Variants in PLB1 observed in about 807,000 individuals in gnomAD.
PLB1 encodes phospholipase B1, membrane-associated.
In PLB1, 242 loss-of-function variants were observed where a neutral mutation model predicts 227.4. The ratio of observed to expected loss-of-function variants is 1.06; its 90% CI spans 0.96 to 1.18. PLB1 has a LOEUF of 1.18. Ranked by LOEUF, PLB1 falls within the 50% of genes most tolerant of loss-of-function variation. PLB1 has a pLI of 0.00. For missense variants in PLB1, 1,858 were observed against 1,816.3 expected, an observed-to-expected ratio of 1.02 and a Z score of -0.42; for synonymous variants, 757 against 682.2, an observed-to-expected ratio of 1.11 and a Z score of -1.71.
In PLB1 at chr2:28,629,160, G is replaced by A. The variant is rs771191733; in HGVS notation, c.3793G>A (p.Gly1265Arg). The part of the protein sequence containing the change: ...ELASLYQGQG[G>R]KCAMLAAQNN... ...GGCTAGCCTGTACCAGGGCCAAGGC[G>A]GGAAATGTGCCATGCTGGCAGCTCA... The change falls in exon 53 of 58, where the codon GGG (glycine) becomes AGG (arginine). Residue 1265 changes from glycine (G) to arginine (R), a missense_variant. Transcript: ENST00000327757. 79 of 1,613,666 alleles carry A rather than the reference G, an allele frequency of 4.9e-5. No homozygotes were observed. Among genetic ancestry groups the A allele is most frequent in the Admixed American group, 4.3e-4 (26 of 59,978 alleles).
Position 28,620,898 on chromosome 2 carries a change from C to T in PLB1, c.3447C>T (p.Asn1149=). 6.2e-7 allele frequency: 1 copy of T among 1,613,926 alleles called. No homozygotes were observed. The highest frequency in any genetic ancestry group is 8.5e-7 in the Non-Finnish European group (1 of 1,179,892). ...CTAAAGACATTCTGAAGAAGTTCAA[C>T]CCTTACCTCCTTGGCTTCTCTACCA... The part of the protein sequence containing the change: ...TTLPNILKKF[N]PYLLGFSTST... The change falls in exon 49 of 58, where the codon AAC becomes AAT. Residue 1149 remains asparagine (N), a synonymous_variant. Transcript: ENST00000327757.
rs1241395047 is a variant in PLB1 at position 28,601,281 on chromosome 2, C to T, written c.2556C>T (p.Val852=). The part of the protein sequence containing the change: ...HRVNFHEDWK[V]ITVLIGGSDL... The stretch of plus-strand genomic sequence containing the variant: ...TAAATTTCCATGAAGACTGGAAGGT[C>T]ATCACAGTGCTGATCGGAGGCAGCG... Residue 852 remains valine (V), a synonymous_variant, in exon 37 of 58, where the codon GTC becomes GTT. Coordinates refer to ENST00000327757, the MANE Select transcript of PLB1 (RefSeq NM_153021.5). 6 of 1,613,930 alleles carry T rather than the reference C, an allele frequency of 3.7e-6. No homozygotes were observed. The highest frequency in any genetic ancestry group is 4.2e-6 in the Non-Finnish European group (5 of 1,179,944).
At chr2:28,634,573 ACATGAAAAAGAGT>A (rs1689077094) in intron 56 of PLB1, among the ~76,000 whole-genome samples, 1 of 152,188 alleles carries the variant, frequency 6.6e-6, no homozygotes, top group African/African-American at 2.4e-5. Context: ...GACGGCTGGA[ACATGAAAAAGAGT>A]CCATTGGTTT....
At chr2:28,593,823 G>A in intron 33 of PLB1, 69 bp downstream of exon 33, 2 of 1,342,114 alleles carry the variant, frequency 1.5e-6, no homozygotes, top group Middle Eastern at 1.8e-4. Flanking sequence ...TTTGTCTCCT[G>A]TAAATATGTA....
intron 55 of PLB1, 93 bp downstream of exon 55, chr2:28,632,233 T>TTTAACCA: frequency 9.6e-7 from 1 of 1,043,418 alleles, no homozygotes; most frequent in Non-Finnish European, 1.4e-6. Flanking sequence ...TTTTTTTTTT[T>TTTAACCA]TAACCATCTC....
intron 20 of PLB1, 102 bp downstream of exon 20, chr2:28,566,941 C>T: frequency 2.2e-6 from 3 of 1,357,592 alleles, no homozygotes; most frequent in South Asian, 1.2e-5. Context: ...GCCCCGGCTG[C>T]AGGAGCCCGC....
chr2:28,497,110 G>A (rs1427032791), intron 1 of PLB1, among the ~76,000 whole-genome samples: 4 of 152,216 alleles, frequency 2.6e-5, no homozygotes, highest in Admixed American at 6.5e-5. Context: ...TTTTCATAGA[G>A]ATTGTTTGAG....
chr2:28,523,335 G>GTTTTTTTTTTTTTTTTTTTTTTTTTTT (rs199936505), intron 4 of PLB1, among the ~76,000 whole-genome samples: 1 of 116,892 alleles, frequency 8.6e-6, no homozygotes, highest in Non-Finnish European at 1.8e-5. Flanking sequence ...TATCTGCGAG[G>GTTTTTTTTTTTTTTTTTTTTTTTTTTT]TTTTTTTTTT....
At chr2:28,579,027 G>A (rs6752710) in intron 22 of PLB1, among the ~76,000 whole-genome samples, 60,882 of 151,934 alleles carry the variant, frequency 0.4, 13,075 homozygotes, top group African/African-American at 0.56. Flanking sequence ...GACTTCATAT[G>A]CTTTTCCAGG....
At position 28,540,267 on chromosome 2, in the gene PLB1, C is replaced by T. The variant is rs1252619740; in HGVS notation, c.699-99C>T. On this transcript the variant is annotated intron_variant, in intron 11 of 57. Transcript: ENST00000327757. Reference sequence around the variant, plus strand: ...TTCTTCATCCCTACTCCTTAAGCAACTCCTATGCCCCTTCTTCCATAAGAG... The same window carrying T: ...TTCTTCATCCCTACTCCTTAAGCAATTCCTATGCCCCTTCTTCCATAAGAG... 1.4e-5 allele frequency: 13 copies of T among 947,016 alleles called. No individual in the cohort carries two copies. The Admixed American group carries it at 1.7e-4, about 12-fold the overall frequency. The allele number at this position is 947,016 out of a possible 1,614,324, so 58.7% of individuals were successfully genotyped here. A position where few individuals can be genotyped will look rare whatever the true frequency, so the allele number is the denominator to read the frequency against.
In PLB1 at chr2:28,590,718, C is replaced by G. The variant is rs368538953; in HGVS notation, c.2089-415C>G. ...GCAGGACCAAAATCATCTGACTTTT[C>G]TTGCCTGGGCAGGAAGGGGCCCTGG... On this transcript the variant is annotated intron_variant, in intron 29 of 57. Coordinates refer to ENST00000327757, the MANE Select transcript of PLB1 (RefSeq NM_153021.5). Among the ~76,000 whole-genome samples the G allele has an allele frequency of 3.9e-5, 6 of 152,182 alleles. No homozygotes were observed. In the East Asian group the frequency reaches 7.8e-4, roughly 20 times the overall value.
chr2:28,575,632 G>T (rs180845253), intron 21 of PLB1, among the ~76,000 whole-genome samples: 1 of 152,118 alleles, frequency 6.6e-6, no homozygotes, highest in Non-Finnish European at 1.5e-5. Context: ...GTGCAGTGGC[G>T]CGATCTCCAC....
chr2:28,521,130 C>G (rs758035152), intron 4 of PLB1, among the ~76,000 whole-genome samples: 2 of 152,200 alleles, frequency 1.3e-5, no homozygotes, highest in Non-Finnish European at 2.9e-5. Context: ...GATGAATGCT[C>G]TTTCCTTGTA....
At chr2:28,502,784 T>C (rs868691317) in intron 1 of PLB1, among the ~76,000 whole-genome samples, 12 of 152,200 alleles carry the variant, frequency 7.9e-5, no homozygotes, top group South Asian at 4.1e-4. Context: ...TTTTCTGGAA[T>C]AGTTTGTAAT....
intron 33 of PLB1, among the ~76,000 whole-genome samples, chr2:28,597,132 C>T (rs971257788): frequency 2.6e-5 from 4 of 151,704 alleles, no homozygotes; most frequent in Non-Finnish European, 4.4e-5. Context: ...GGCATGGTGG[C>T]GGGTACCTGT....
At chr2:28,545,037 C>T (rs1673031503) in intron 14 of PLB1, among the ~76,000 whole-genome samples, 1 of 152,122 alleles carries the variant, frequency 6.6e-6, no homozygotes, top group African/African-American at 2.4e-5. Flanking sequence ...GTGATGGTCC[C>T]ATGCATACAA....
intron 57 of PLB1, among the ~76,000 whole-genome samples, chr2:28,642,617 C>T (rs1356904130): frequency 6.6e-6 from 1 of 152,120 alleles, no homozygotes; most frequent in Non-Finnish European, 1.5e-5. Flanking sequence ...GGTTTGATGG[C>T]CAAGGAAACG....
Position 28,516,822 on chromosome 2 carries a change from C to A in PLB1, c.70C>A (p.His24Asn), listed in dbSNP as rs763476381. 3 of 1,613,682 alleles carry A rather than the reference C, an allele frequency of 1.9e-6. No individual in the cohort carries two copies. Among genetic ancestry groups the A allele is most frequent in the South Asian group, 1.1e-5 (1 of 91,062 alleles). ...CTTTCTTTCAGGGACCCCTCAGATC[C>A]ATACCTCTCCTAGAAAGAGTACATT... ...LLLGQGTPQI[H>N]TSPRKSTLEG... Residue 24 changes from histidine to asparagine, a missense_variant, in exon 2 of 58, where the codon CAT (histidine) becomes AAT (asparagine). Coordinates refer to ENST00000327757, the MANE Select transcript of PLB1 (RefSeq NM_153021.5).
Position 28,590,053 on chromosome 2 carries a change from A to G in PLB1, c.2065A>G (p.Ile689Val). 1 of 1,613,478 alleles carries G rather than the reference A, an allele frequency of 6.2e-7. No individual in the cohort carries two copies. Among genetic ancestry groups the G allele is most frequent in the South Asian group, 1.1e-5 (1 of 91,056 alleles). ...KTTRHKFENK[I>V]NITCPNQVQP... ...GACTCGTCATAAGTTTGAAAACAAG[A>G]TCAATATCACATGTCCGAACCAGGT... The change falls in exon 29 of 58, where the codon ATC becomes GTC. Residue 689 changes from isoleucine to valine, a missense_variant. By Grantham distance (29) the Ile-to-Val change is conservative. Coordinates refer to ENST00000327757, the MANE Select transcript of PLB1 (RefSeq NM_153021.5).
Sources: allele counts gnomAD v4.1 joint callset (sites outside exome capture counted in the v4.1 genomes callset), GRCh38; gene constraint gnomAD v4.1.1; transcripts MANE v1.5; gene names NCBI Gene and HGNC (gene_info 2026-07-23, HGNC 2026-07-21).